PDZRN3: variants seen among roughly 807,000 people sequenced by gnomAD.
PDZRN3 encodes PDZ domain containing ring finger 3.
PDZRN3 carries 38 observed loss-of-function variants against 85.7 expected under a neutral mutation model. The ratio of observed to expected loss-of-function variants is 0.44; its 90% CI spans 0.34 to 0.58. The LOEUF (loss-of-function observed/expected upper bound fraction) is 0.58, where lower values mean the gene tolerates loss of function less well. Among genes scored for constraint, PDZRN3 ranks in the 20% least tolerant of loss-of-function variants. The pLI is 0.01. For missense variants in PDZRN3, 1,629 were observed against 1,506.4 expected, an observed-to-expected ratio of 1.08 and a Z score of -1.35; for synonymous variants, 759 against 638.0, an observed-to-expected ratio of 1.19 and a Z score of -2.86.
Position 73,411,949 on chromosome 3 carries a change from G to A in PDZRN3, c.919-7554C>T, listed in dbSNP as rs375197798. On this transcript the variant is annotated intron_variant, in intron 3 of 9. Transcript: ENST00000263666. The stretch of plus-strand genomic sequence containing the variant: ...TTACTCATGTAATCCTCACACAAGG[G>A]AAGTACAGCTACTATCACTGTTTCG... Among the ~76,000 whole-genome samples, 40 of 152,268 alleles carry A rather than the reference G, an allele frequency of 2.6e-4. No homozygotes were observed. In the South Asian group the frequency reaches 8.1e-3, roughly 31 times the overall value.
At chr3:73,600,337 A>ACACACACACCCTCTCTCTCTCT (rs34405662) in intron 3 of PDZRN3, among the ~76,000 whole-genome samples, 1 of 100,052 alleles carries the variant, frequency 1.0e-5, no homozygotes. Context: ...ACACACACAC[A>ACACACACACCCTCTCTCTCTCT]CTCTCTCTCT....
At chr3:73,397,205 ATC>A (rs1345557645) in intron 5 of PDZRN3, among the ~76,000 whole-genome samples, 1 of 151,880 alleles carries the variant, frequency 6.6e-6, no homozygotes, top group Non-Finnish European at 1.5e-5. Flanking sequence ...GGCCAGAACC[ATC>A]TGTTTTTCTC....
intron 3 of PDZRN3, among the ~76,000 whole-genome samples, chr3:73,528,595 C>T (rs76456328): frequency 0.043 from 6,565 of 152,176 alleles, 448 homozygotes; most frequent in African/African-American, 0.15. Context: ...AATTTAAACA[C>T]TAAATGCTAT....
intron 3 of PDZRN3, among the ~76,000 whole-genome samples, chr3:73,562,931 T>C (rs1239188032): frequency 1.4e-5 from 2 of 143,986 alleles, no homozygotes; most frequent in African/African-American, 2.6e-5. Context: ...GGAAAATACA[T>C]TTTCAGACTT....
At chr3:73,590,734 T>C (rs1033187175) in intron 3 of PDZRN3, among the ~76,000 whole-genome samples, 3 of 152,230 alleles carry the variant, frequency 2.0e-5, no homozygotes, top group African/African-American at 7.2e-5. Context: ...AGCAATTCTA[T>C]TCCAAGTCCC....
rs189428179 is a variant in PDZRN3 at position 73,600,699 on chromosome 3, A to G, written c.918+1655T>C. On this transcript the variant is annotated intron_variant, in intron 3 of 9. Transcript: ENST00000263666. ...GCTGTAGATTTCTCATTTGCAAAAC[A>G]CAAGAGCAATGAAATTCCATTACTT... Among the ~76,000 whole-genome samples, 383 of 152,328 alleles carry G rather than the reference A, an allele frequency of 2.5e-3. 3 individuals carry two copies. Among genetic ancestry groups the G allele is most frequent in the Non-Finnish European group, 4.1e-3 (279 of 68,030 alleles).
intron 3 of PDZRN3, chr3:73,569,110 C>T: frequency 1.7e-6 from 2 of 1,202,806 alleles, no homozygotes; most frequent in Non-Finnish European, 2.2e-6. Flanking sequence ...CCCAGCTCAC[C>T]TATTCTAAAT....
At chr3:73,420,070 T>C (rs985495548) in intron 3 of PDZRN3, among the ~76,000 whole-genome samples, 3 of 152,182 alleles carry the variant, frequency 2.0e-5, no homozygotes, top group East Asian at 1.9e-4. Flanking sequence ...CTTAGAAACA[T>C]GGCCCTCTCT....
At chr3:73,482,975 A>G (rs1299745466) in intron 3 of PDZRN3, among the ~76,000 whole-genome samples, 2 of 152,322 alleles carry the variant, frequency 1.3e-5, no homozygotes, top group East Asian at 1.9e-4. Flanking sequence ...TTTTGATGGT[A>G]CTTATTTTAC....
At chr3:73,622,379 G>C (rs1029221508) in intron 1 of PDZRN3, among the ~76,000 whole-genome samples, 3 of 152,178 alleles carry the variant, frequency 2.0e-5, no homozygotes, top group Admixed American at 6.5e-5. Flanking sequence ...CAGGCCCTTG[G>C]GGGAGCCTCG....
chr3:73,538,306 ATACACTTTAAG>A (rs1704837991), intron 3 of PDZRN3, among the ~76,000 whole-genome samples: 3 of 152,246 alleles, frequency 2.0e-5, no homozygotes. Context: ...CATGCACTAC[ATACACTTTAAG>A]TACACTGTGG....
At chr3:73,590,263 T>C (rs1332882311) in intron 3 of PDZRN3, among the ~76,000 whole-genome samples, 4 of 100,274 alleles carry the variant, frequency 4.0e-5, no homozygotes, top group African/African-American at 1.1e-4. Context: ...AGCAAGACTC[T>C]GTCTCAAAAA....
intron 3 of PDZRN3, among the ~76,000 whole-genome samples, chr3:73,474,112 C>T (rs1703401849): frequency 6.6e-6 from 1 of 152,168 alleles, no homozygotes; most frequent in Admixed American, 6.5e-5. Context: ...GCTTCTAAAC[C>T]ATTCCTTTAC....
At chr3:73,515,524 C>A (rs796402724) in intron 3 of PDZRN3, among the ~76,000 whole-genome samples, 1 of 152,184 alleles carries the variant, frequency 6.6e-6, no homozygotes, top group South Asian at 2.1e-4. Context: ...TCTCTCCCAA[C>A]TCCAAAAAGT....
chr3:73,410,283 T>C (rs1178550387), intron 3 of PDZRN3, among the ~76,000 whole-genome samples: 1 of 152,226 alleles, frequency 6.6e-6, no homozygotes, highest in Non-Finnish European at 1.5e-5. Flanking sequence ...AGGCAACTTA[T>C]CTAAAATGCA....
chr3:73,479,736 G>GCCTGT (rs1471921744), intron 3 of PDZRN3, among the ~76,000 whole-genome samples: 1 of 151,700 alleles, frequency 6.6e-6, no homozygotes, highest in Non-Finnish European at 1.5e-5. Context: ...CCCAGCCCAG[G>GCCTGT]CCTGTGCTCC....
At chr3:73,526,361 T>A (rs1277442240) in intron 3 of PDZRN3, among the ~76,000 whole-genome samples, 1 of 152,102 alleles carries the variant, frequency 6.6e-6, no homozygotes, top group Admixed American at 6.6e-5. Context: ...TACCAACCCA[T>A]CAAGTATCCC....
intron 3 of PDZRN3, among the ~76,000 whole-genome samples, chr3:73,596,881 T>C (rs529834548): frequency 1.1e-4 from 17 of 152,304 alleles, no homozygotes; most frequent in African/African-American, 3.8e-4. Context: ...TGTACCAACA[T>C]GAATTTCCTA....
intron 4 of PDZRN3, among the ~76,000 whole-genome samples, chr3:73,402,179 C>T (rs778903857): frequency 6.6e-6 from 1 of 152,162 alleles, no homozygotes. Flanking sequence ...AAGTCGCCCC[C>T]AGGGGATAAG....
Sources: allele counts gnomAD v4.1 joint callset (sites outside exome capture counted in the v4.1 genomes callset), GRCh38; gene constraint gnomAD v4.1.1; transcripts MANE v1.5; gene names NCBI Gene and HGNC (gene_info 2026-07-23, HGNC 2026-07-21).